The following HECW1 variants were observed in gnomAD, a reference collection of about 807,000 sequenced individuals.
HECW1 encodes HECT, C2 and WW domain containing E3 ubiquitin protein ligase 1, also known as E3 ubiquitin-protein ligase HECW1.
HECW1 carries 61 observed loss-of-function variants against 182.3 expected under a neutral mutation model. The ratio of observed to expected loss-of-function variants is 0.33; its 90% CI spans 0.27 to 0.41. The LOEUF is 0.41. Among genes scored for constraint, HECW1 ranks in the 10% least tolerant of loss-of-function variants. The probability of loss-of-function intolerance (pLI) is 1.00; values close to 1 mark genes in which losing one functional copy is unlikely to be tolerated. For missense variants in HECW1, 1,739 were observed against 2,108.9 expected (o/e 0.82, Z 3.44); for synonymous variants, 859 against 832.6 (o/e 1.03, Z -0.55).
chr7:43,451,801 G>A (rs2077244500), intron 12 of HECW1, among the ~76,000 whole-genome samples: 1 of 152,150 alleles, frequency 6.6e-6, no homozygotes, highest in African/African-American at 2.4e-5. Flanking sequence ...TATTTTTCAA[G>A]CAAAGATAGT....
chr7:43,466,148 AGAAAGAAGGAAGGAAG>A lies in HECW1; in HGVS notation c.2792-281_2792-266del, dbSNP rs555204731. On this transcript the variant is annotated intron_variant, in intron 14 of 29. Transcript: ENST00000395891. ...AAAAGAAAGAAAGGGAAAGAGAGAG[AGAAAGAAGGAAGGAAG>A]GAAAGAAGGAAGGAAGGGAGGGAGG... Among the ~76,000 whole-genome samples, 960 of 145,942 alleles carry A rather than the reference AGAAAGAAGGAAGGAAG, an allele frequency of 6.6e-3. 8 individuals are homozygous for A. The highest frequency in any genetic ancestry group is 0.023 in the African/African-American group (909 of 39,252).
chr7:43,311,874 C>G lies in HECW1; in HGVS notation c.139C>G (p.Gln47Glu), dbSNP rs753946140. 4 of 1,614,248 alleles carry G rather than the reference C, an allele frequency of 2.5e-6. No homozygotes were observed. The highest frequency in any genetic ancestry group is 3.4e-6 in the Non-Finnish European group (4 of 1,180,050). ...EPLRYSYNPD[Q>E]FHNMDLRGGP... ...GCTCCGATACAGCTACAACCCCGACCAGTTCCACAACATGGACCTCAGGGG... is the reference window on the plus strand; with the variant it reads ...GCTCCGATACAGCTACAACCCCGACGAGTTCCACAACATGGACCTCAGGGG... The change falls in exon 4 of 30, where the codon CAG (glutamine) becomes GAG (glutamate). Residue 47 changes from glutamine to glutamate, a missense_variant. Transcript: ENST00000395891.
chr7:43,511,747 T>G (rs2079883053), intron 24 of HECW1: 1 of 173,654 alleles, frequency 5.8e-6, no homozygotes, highest in African/African-American at 2.4e-5. Flanking sequence ...GCAAATAGTT[T>G]AACAAACAAA....
intron 6 of HECW1, among the ~76,000 whole-genome samples, chr7:43,386,105 G>T (rs1212855375): frequency 6.6e-6 from 1 of 152,162 alleles, no homozygotes; most frequent in Non-Finnish European, 1.5e-5. Context: ...CTTACCACGT[G>T]GTCCCCTCCA....
chr7:43,194,986 T>C (rs917602085), intron 2 of HECW1, among the ~76,000 whole-genome samples: 3 of 152,100 alleles, frequency 2.0e-5, no homozygotes, highest in African/African-American at 7.2e-5. Flanking sequence ...GAGCGCCCGC[T>C]ACCTCATCTC....
At chr7:43,285,880 T>C (rs1804577672) in intron 3 of HECW1, among the ~76,000 whole-genome samples, 1 of 152,242 alleles carries the variant, frequency 6.6e-6, no homozygotes, top group South Asian at 2.1e-4. Context: ...TAACTCTTTT[T>C]AATCCCAGGA....
intron 2 of HECW1, among the ~76,000 whole-genome samples, chr7:43,240,578 G>T (rs1798789933): frequency 6.6e-6 from 1 of 152,142 alleles, no homozygotes; most frequent in African/African-American, 2.4e-5. Context: ...GTTCATTTGG[G>T]TAGGGACAGA....
chr7:43,328,287 G>T (rs1248910526), intron 5 of HECW1, among the ~76,000 whole-genome samples: 2 of 151,550 alleles, frequency 1.3e-5, no homozygotes, highest in East Asian at 3.9e-4. Context: ...TATGGAGCAA[G>T]ACCTTGTCTC....
At chr7:43,467,730 A>T (rs999874071) in intron 15 of HECW1, among the ~76,000 whole-genome samples, 1 of 152,142 alleles carries the variant, frequency 6.6e-6, no homozygotes, top group East Asian at 1.9e-4. Context: ...TGGACTCAGC[A>T]GCACTTAGGT....
At chr7:43,361,342 A>G (rs1190144306) in intron 6 of HECW1, among the ~76,000 whole-genome samples, 2 of 152,138 alleles carry the variant, frequency 1.3e-5, no homozygotes, top group Non-Finnish European at 2.9e-5. Flanking sequence ...GGTTTTAAAT[A>G]TTTATATTTT....
intron 3 of HECW1, among the ~76,000 whole-genome samples, chr7:43,276,027 G>C (rs1803099807): frequency 6.6e-6 from 1 of 152,220 alleles, no homozygotes; most frequent in African/African-American, 2.4e-5. Context: ...GAATAAGGAG[G>C]TTTAAAGAAT....
intron 3 of HECW1, among the ~76,000 whole-genome samples, chr7:43,307,158 G>A (rs1185122740): frequency 6.6e-6 from 1 of 152,106 alleles, no homozygotes; most frequent in African/African-American, 2.4e-5. Context: ...TGCTCTCAGA[G>A]GCTCACTTAT....
intron 2 of HECW1, among the ~76,000 whole-genome samples, chr7:43,203,218 A>G (rs1364175751): frequency 2.0e-5 from 3 of 151,534 alleles, no homozygotes; most frequent in Admixed American, 1.3e-4. Context: ...TTATTTTGCT[A>G]TATTATCTTT....
chr7:43,222,434 A>G (rs1797064711), intron 2 of HECW1, among the ~76,000 whole-genome samples: 1 of 152,178 alleles, frequency 6.6e-6, no homozygotes, highest in African/African-American at 2.4e-5. Context: ...GAGGGATTGC[A>G]TTTGGGGCCT....
intron 3 of HECW1, among the ~76,000 whole-genome samples, chr7:43,288,012 A>G (rs1804879963): frequency 1.3e-5 from 2 of 152,184 alleles, no homozygotes; most frequent in Non-Finnish European, 2.9e-5. Flanking sequence ...CATATTAGAT[A>G]TCCATGTAGA....
At chr7:43,503,413 C>T (rs1305904756) in intron 21 of HECW1, among the ~76,000 whole-genome samples, 2 of 152,150 alleles carry the variant, frequency 1.3e-5, no homozygotes, top group African/African-American at 4.8e-5. Context: ...GGTCTACAGA[C>T]TTTGATACTA....
At position 43,561,916 on chromosome 7, in the gene HECW1, G is replaced by A; in HGVS notation, c.4811G>A (p.Gly1604Glu). Residue 1604 changes from glycine (G) to glutamate (E), a missense_variant, in exon 30 of 30, where the codon GGA becomes GAA. Around this residue, in one of 5 missense-constraint regions of HECW1, gnomAD observed 420 missense variants for 595.7 expected, o/e 0.71. Coordinates refer to ENST00000395891, the MANE Select transcript of HECW1 (RefSeq NM_015052.5). The part of the protein sequence containing the change: ...LTAVEETSTF[G>E]LE The stretch of plus-strand genomic sequence containing the variant: ...GCAGTAGAGGAAACCAGCACCTTTG[G>A]ACTTGAGTGAGGACATGGAACCTCG... 6.2e-7 allele frequency: 1 copy of A among 1,602,366 alleles called. No individual in the cohort carries two copies. Among genetic ancestry groups the A allele is most frequent in the Non-Finnish European group, 8.6e-7 (1 of 1,169,396 alleles).
intron 7 of HECW1, 39 bp downstream of exon 7, chr7:43,396,928 G>A (rs1202338805): frequency 4.1e-6 from 6 of 1,447,728 alleles, no homozygotes; most frequent in Non-Finnish European, 5.8e-6. Flanking sequence ...GAGAGACTAA[G>A]AATGTCAACC....
intron 2 of HECW1, among the ~76,000 whole-genome samples, chr7:43,189,777 A>T (rs116904283): frequency 3.1e-3 from 473 of 152,348 alleles, no homozygotes; most frequent in Non-Finnish European, 5.9e-3. Flanking sequence ...GAAGTTGATA[A>T]CAAGACTCTT....
Sources: gnomAD v4.1 joint callset for allele counts (sites outside exome capture counted in the v4.1 genomes callset) on GRCh38, gnomAD v4.1.1 for gene constraint, gnomAD v4.1.1 regional missense constraint, MANE v1.5 for transcripts, NCBI Gene and HGNC (gene_info 2026-07-23, HGNC 2026-07-21) for gene names.